Variants in USP30 observed in about 807,000 individuals in gnomAD.
The protein encoded by USP30 is ubiquitin specific peptidase 30, also known as ubiquitin carboxyl-terminal hydrolase 30.
In USP30, 41 loss-of-function variants were observed where a neutral mutation model predicts 68.2. That is an observed-to-expected ratio of 0.60 (90% CI 0.47 to 0.78). The LOEUF is 0.78. Among genes scored for constraint, USP30 ranks in the 30% least tolerant of loss-of-function variants. The pLI, the probability that USP30 is intolerant of heterozygous loss-of-function variation, is 0.00. For synonymous variants in USP30, 229 were observed against 253.7 expected (o/e 0.90, Z 0.93); for missense variants, 522 against 649.4 (o/e 0.80, Z 2.13).
upstream of USP30, among the ~76,000 whole-genome samples, chr12:109,050,453 T>C (rs2040649584): frequency 6.6e-6 from 1 of 152,156 alleles, no homozygotes; most frequent in Non-Finnish European, 1.5e-5. Flanking sequence ...GAACAAAAAC[T>C]TTGAGAACTA....
chr12:109,078,753 G>A (rs919213493), intron 7 of USP30, among the ~76,000 whole-genome samples: 1 of 151,956 alleles, frequency 6.6e-6, no homozygotes, highest in Admixed American at 6.6e-5. Flanking sequence ...ATTTGTTATA[G>A]GTGTACTGCT....
At chr12:109,059,329 G>A (rs2040983548) in intron 3 of USP30, among the ~76,000 whole-genome samples, 1 of 151,906 alleles carries the variant, frequency 6.6e-6, no homozygotes, top group Non-Finnish European at 1.5e-5. Context: ...TGAGTAGCTG[G>A]GATGACAGGT....
At chr12:109,037,138 T>G (rs1162441346) in intron 3 of USP30, among the ~76,000 whole-genome samples, 2 of 152,232 alleles carry the variant, frequency 1.3e-5, no homozygotes, top group Non-Finnish European at 2.9e-5. Context: ...CTTCTGTTCC[T>G]CATCTCAATG....
chr12:109,072,299 C>T lies in USP30; in HGVS notation c.580-6C>T, dbSNP rs2041469544. 6.2e-7 allele frequency: 1 copy of T among 1,612,890 alleles called. No individual in the cohort carries two copies. The highest frequency in any genetic ancestry group is 1.7e-5 in the Admixed American group (1 of 59,938). On this transcript the variant is annotated splice_polypyrimidine_tract_variant and splice_region_variant and intron_variant, in intron 5 of 12. Transcript: ENST00000257548. ...TCAGTCTGTTTTTTTTTTTTCTCCC[C>T]TACAGCAGCAGTCAGAAATAACTCC...
chr12:109,043,852 A>G (rs2040582267), intron 3 of USP30, among the ~76,000 whole-genome samples: 1 of 152,218 alleles, frequency 6.6e-6, no homozygotes, highest in Non-Finnish European at 1.5e-5. Context: ...ATATCCAGCA[A>G]TTTCAGGTTG....
chr12:109,082,621 T>A (rs2041835373), intron 9 of USP30, 42 bp from the exon 10 acceptor site: 2 of 1,598,222 alleles, frequency 1.3e-6, no homozygotes, highest in Non-Finnish European at 1.7e-6. Flanking sequence ...AAAGCTGTCC[T>A]ATTTTAGGCA....
intron 3 of USP30, among the ~76,000 whole-genome samples, chr12:109,039,567 G>GA (rs2040547894): frequency 6.6e-6 from 1 of 151,964 alleles, no homozygotes; most frequent in Non-Finnish European, 1.5e-5. Context: ...TAGTTCCCGA[G>GA]AAAAAATGTG....
intron 3 of USP30, among the ~76,000 whole-genome samples, chr12:109,039,420 G>A (rs2040546695): frequency 6.6e-6 from 1 of 152,088 alleles, no homozygotes; most frequent in Admixed American, 6.6e-5. Flanking sequence ...TTGTGTTCTA[G>A]TCATTTGACC....
At chr12:109,025,565 T>C (rs2040439110) in intron 2 of USP30, among the ~76,000 whole-genome samples, 1 of 152,120 alleles carries the variant, frequency 6.6e-6, no homozygotes, top group East Asian at 1.9e-4. Flanking sequence ...CAACAGAACA[T>C]GTCCAAAATT....
chr12:109,039,693 C>T (rs573145681), intron 3 of USP30, among the ~76,000 whole-genome samples: 65 of 152,228 alleles, frequency 4.3e-4, no homozygotes, highest in African/African-American at 1.3e-3. Context: ...TCACTGCAAC[C>T]TCCACCTCCC....
chr12:109,066,896 C>G (rs2041270777), intron 3 of USP30, among the ~76,000 whole-genome samples: 1 of 152,044 alleles, frequency 6.6e-6, no homozygotes, highest in South Asian at 2.1e-4. Flanking sequence ...GAGTTAAAAT[C>G]ATTTTGCTCA....
intron 8 of USP30, 178 bp from the exon 9 acceptor site, chr12:109,081,755 G>A (rs978031128): frequency 3.1e-6 from 2 of 645,222 alleles, no homozygotes; most frequent in South Asian, 1.9e-5. Context: ...TCTGTCCGTA[G>A]TAGCAGTCTA....
intron 7 of USP30, among the ~76,000 whole-genome samples, chr12:109,079,339 CTTTTTTTTTTTCTTT>C (rs2041717203): frequency 2.2e-4 from 14 of 62,278 alleles, no homozygotes; most frequent in African/African-American, 8.2e-4. Context: ...TTTTCTTTTT[CTTTTTTTTTTTCTTT>C]TTTTTTTTTT....
At chr12:109,079,429 T>A (rs2041732341) in intron 7 of USP30, among the ~76,000 whole-genome samples, 1 of 138,600 alleles carries the variant, frequency 7.2e-6, no homozygotes, top group Non-Finnish European at 1.5e-5. Flanking sequence ...AATAATGTGA[T>A]CATAGCTCAC....
At chr12:109,080,518 C>G (rs1221205960) in intron 7 of USP30, among the ~76,000 whole-genome samples, 1 of 152,216 alleles carries the variant, frequency 6.6e-6, no homozygotes, top group Non-Finnish European at 1.5e-5. Flanking sequence ...CTCTCTCACC[C>G]TACTTCATCG....
chr12:109,041,021 G>T (rs2040560850), intron 3 of USP30, among the ~76,000 whole-genome samples: 1 of 152,188 alleles, frequency 6.6e-6, no homozygotes, highest in Admixed American at 6.5e-5. Context: ...AGGAAATGGG[G>T]TGTCTGGTTC....
upstream of USP30, chr12:109,052,416 C>T (rs1016225356): frequency 1.4e-4 from 52 of 364,118 alleles, no homozygotes; most frequent in Non-Finnish European, 1.2e-4. Flanking sequence ...CCAAGCAGCC[C>T]CAGGCAACTG....
chr12:109,030,144 G>T (rs1424722570), intron 3 of USP30, among the ~76,000 whole-genome samples: 1 of 152,170 alleles, frequency 6.6e-6, no homozygotes, highest in East Asian at 1.9e-4. Flanking sequence ...AAATCCTGTC[G>T]CCCTGCCCAG....
At position 109,087,018 on chromosome 12, in the gene USP30, T is replaced by TAAC. The variant is rs2041962620; in HGVS notation, c.*1088_*1090dup. 6.6e-6 allele frequency: 1 copy of TAAC among 151,974 alleles called. No homozygotes were observed. The highest frequency in any genetic ancestry group is 2.4e-5 in the African/African-American group (1 of 41,354). 9.4% of individuals were successfully genotyped at this position (151,974 alleles called of 1,614,324 possible). A position where few individuals can be genotyped will look rare whatever the true frequency, so the allele number is the denominator to read the frequency against. On this transcript the variant is annotated 3_prime_UTR_variant, in exon 13 of 13. Coordinates refer to ENST00000257548, the MANE Select transcript of USP30 (RefSeq NM_032663.5). ...AGCTTTTGACTTTTTAAAAAACATA[T>TAAC]AACTACAGCTGGCATCTAGTATTGT...
Sources: allele counts gnomAD v4.1 joint callset (sites outside exome capture counted in the v4.1 genomes callset), GRCh38; gene constraint gnomAD v4.1.1; transcripts MANE v1.5; gene names NCBI Gene and HGNC (gene_info 2026-07-23, HGNC 2026-07-21).